CC2D2B: variants seen among roughly 807,000 people sequenced by gnomAD.
CC2D2B encodes coiled-coil and C2 domain containing 2B, also known as protein CC2D2B.
CC2D2B carries 128 observed loss-of-function variants against 161.2 expected under a neutral mutation model. The observed-to-expected ratio is 0.79, with a 90% CI of 0.69 to 0.92. The LOEUF (loss-of-function observed/expected upper bound fraction) is 0.92, where lower values mean the gene tolerates loss of function less well. CC2D2B is among the 40% of genes least tolerant of loss of function. The pLI is 0.00. For missense variants in CC2D2B, 1,173 were observed against 1,375.1 expected (o/e 0.85, Z 2.32); for synonymous variants, 391 against 449.8 (o/e 0.87, Z 1.65).
intron 1 of CC2D2B, 67 bp from the exon 2 acceptor site, chr10:95,911,234 A>T (rs2098505887): frequency 9.5e-6 from 2 of 211,360 alleles, no homozygotes; most frequent in South Asian, 3.4e-4. Flanking sequence ...CATACTTTTA[A>T]CCTCAAGTAT....
intron 19 of CC2D2B, among the ~76,000 whole-genome samples, chr10:95,987,462 A>G (rs185602358): frequency 1.3e-5 from 2 of 152,330 alleles, no homozygotes; most frequent in Non-Finnish European, 2.9e-5. Flanking sequence ...TCAGATAATG[A>G]GCATGCGTTG....
intron 5 of CC2D2B, among the ~76,000 whole-genome samples, chr10:95,926,528 T>G (rs2098538798): frequency 6.6e-6 from 1 of 151,458 alleles, no homozygotes; most frequent in Non-Finnish European, 1.5e-5. Context: ...TAAAATTATC[T>G]TATATAAAGT....
At chr10:95,973,981 A>T (rs1213665217) in intron 16 of CC2D2B, 28 bp from the exon 17 acceptor site, 21 of 1,216,582 alleles carry the variant, frequency 1.7e-5, no homozygotes, top group Admixed American at 4.2e-5. Flanking sequence ...AAAACAATTC[A>T]TATGTTTTTA....
At chr10:96,025,128 G>A (rs988111282) in intron 33 of CC2D2B, among the ~76,000 whole-genome samples, 1 of 126,344 alleles carries the variant, frequency 7.9e-6, no homozygotes, top group Non-Finnish European at 1.6e-5. Context: ...GGGCAACATA[G>A]GGAGACGTCA....
At chr10:95,994,748 G>A (rs1220091853) in intron 22 of CC2D2B, among the ~76,000 whole-genome samples, 2 of 152,110 alleles carry the variant, frequency 1.3e-5, no homozygotes, top group East Asian at 3.9e-4. Flanking sequence ...ATACCCGCCG[G>A]TCATTCCTTG....
At chr10:95,964,770 T>C (rs1417262755) in intron 12 of CC2D2B, among the ~76,000 whole-genome samples, 1 of 152,148 alleles carries the variant, frequency 6.6e-6, no homozygotes, top group Non-Finnish European at 1.5e-5. Flanking sequence ...AAGCATATAA[T>C]ACCTTTTAAA....
intron 12 of CC2D2B, among the ~76,000 whole-genome samples, chr10:95,962,566 T>A (rs921336039): frequency 3.9e-5 from 6 of 152,160 alleles, no homozygotes; most frequent in African/African-American, 7.2e-5. Context: ...GATAAAATCA[T>A]AAAACCATGT....
At chr10:95,982,720 T>C (rs1372083004) in intron 18 of CC2D2B, among the ~76,000 whole-genome samples, 1 of 152,186 alleles carries the variant, frequency 6.6e-6, no homozygotes, top group Non-Finnish European at 1.5e-5. Context: ...TCAACTCTTA[T>C]GACTCTAATT....
chr10:95,969,101 T>C (rs1461050456), intron 15 of CC2D2B, among the ~76,000 whole-genome samples, 200 bp downstream of exon 15: 2 of 151,986 alleles, frequency 1.3e-5, no homozygotes, highest in African/African-American at 4.8e-5. Context: ...TTATTTGATT[T>C]GTAGTGTTCC....
chr10:96,012,446 A>C, intron 27 of CC2D2B, 79 bp downstream of exon 27: 1 of 983,280 alleles, frequency 1.0e-6, no homozygotes, highest in Admixed American at 2.2e-5. Flanking sequence ...ATAATTTCAA[A>C]GATGGCAAAA....
At chr10:96,011,774 C>G (rs763416071) in intron 26 of CC2D2B, among the ~76,000 whole-genome samples, 2 of 151,682 alleles carry the variant, frequency 1.3e-5, no homozygotes, top group African/African-American at 2.4e-5. Flanking sequence ...CACACACACA[C>G]ACAATTTCTC....
intron 9 of CC2D2B, among the ~76,000 whole-genome samples, chr10:95,943,958 T>G (rs564129059): frequency 3.3e-5 from 5 of 152,200 alleles, no homozygotes; most frequent in African/African-American, 1.2e-4. Flanking sequence ...ATTACAGTTT[T>G]GTTGAGGCTC....
At chr10:96,025,111 C>CG (rs1423747382) in intron 33 of CC2D2B, among the ~76,000 whole-genome samples, 200 bp downstream of exon 33, 3 of 135,134 alleles carry the variant, frequency 2.2e-5, no homozygotes, top group Non-Finnish European at 4.6e-5. Flanking sequence ...GAGTTTGAGA[C>CG]CAGCCTGGGC....
intron 14 of CC2D2B, among the ~76,000 whole-genome samples, chr10:95,967,792 A>G (rs2076992276): frequency 6.6e-6 from 1 of 152,028 alleles, no homozygotes; most frequent in South Asian, 2.1e-4. Context: ...AAGAATAGGT[A>G]ATCTTTTGTC....
intron 6 of CC2D2B, among the ~76,000 whole-genome samples, chr10:95,933,667 G>C (rs1305526847): frequency 1.3e-5 from 2 of 152,130 alleles, no homozygotes; most frequent in African/African-American, 2.4e-5. Context: ...GAGTTTGCTG[G>C]AGGTCCACTC....
intron 6 of CC2D2B, among the ~76,000 whole-genome samples, chr10:95,937,030 T>C (rs2075848234): frequency 6.6e-6 from 1 of 152,214 alleles, no homozygotes; most frequent in African/African-American, 2.4e-5. Context: ...GAAAAGGATA[T>C]CATGAAGATT....
chr10:96,003,021 A>AATAAATATATATATATAT (rs1366887388), intron 24 of CC2D2B, among the ~76,000 whole-genome samples: 5 of 140,708 alleles, frequency 3.6e-5, no homozygotes, highest in African/African-American at 1.3e-4. Context: ...AAAATAAATA[A>AATAAATATATATATATAT]ATATATATAT....
At chr10:95,910,753 C>G (rs1284830295) in intron 1 of CC2D2B, among the ~76,000 whole-genome samples, 1 of 152,150 alleles carries the variant, frequency 6.6e-6, no homozygotes, top group African/African-American at 2.4e-5. Context: ...GGCCTTTTGG[C>G]TAAGATCAAA....
intron 30 of CC2D2B, chr10:96,018,613 A>T (rs1208526530): frequency 6.6e-6 from 1 of 152,288 alleles, no homozygotes; most frequent in African/African-American, 2.4e-5. Context: ...CTGTGTTGCC[A>T]TCGGGGCACA....
Sources: allele counts gnomAD v4.1 joint callset (sites outside exome capture counted in the v4.1 genomes callset), GRCh38; gene constraint gnomAD v4.1.1; transcripts MANE v1.5; gene names NCBI Gene and HGNC (gene_info 2026-07-23, HGNC 2026-07-21).